The following TRPC7 variants were observed in gnomAD, a reference collection of about 807,000 sequenced individuals.
The protein encoded by TRPC7 is short transient receptor potential channel 7.
Under a neutral mutation model 90.1 loss-of-function variants are expected in TRPC7, and 42 were observed. That is an observed-to-expected ratio of 0.47 (90% CI 0.36 to 0.60). The LOEUF is 0.60. Among genes scored for constraint, TRPC7 ranks in the 20% least tolerant of loss-of-function variants. The pLI is 0.00. For synonymous variants in TRPC7, 451 were observed against 436.3 expected, an observed-to-expected ratio of 1.03 and a Z score of -0.42; for missense variants, 955 against 1,112.3, an observed-to-expected ratio of 0.86 and a Z score of 2.01.
chr5:136,324,505 G>T (rs546842501), intron 2 of TRPC7, among the ~76,000 whole-genome samples: 2 of 152,026 alleles, frequency 1.3e-5, no homozygotes, highest in South Asian at 4.1e-4. Context: ...AGATTCCTTA[G>T]TTCTCAACTA....
intron 5 of TRPC7, among the ~76,000 whole-genome samples, chr5:136,258,213 T>C (rs560834630): frequency 1.3e-5 from 2 of 152,340 alleles, no homozygotes; most frequent in South Asian, 4.1e-4. Context: ...GATTTAAATA[T>C]TAATTCACCC....
At chr5:136,286,999 T>C (rs1282944819) in intron 3 of TRPC7, among the ~76,000 whole-genome samples, 4 of 152,218 alleles carry the variant, frequency 2.6e-5, no homozygotes, top group Non-Finnish European at 5.9e-5. Flanking sequence ...GTTAATTTCC[T>C]TCTGGTTGTC....
At position 136,213,645 on chromosome 5, in the gene TRPC7, G is replaced by T. The variant is rs1755164311; in HGVS notation, c.2420-41C>A. 1.9e-6 allele frequency: 3 copies of T among 1,607,388 alleles called. No individual in the cohort carries two copies. In the African/African-American group the frequency reaches 4.0e-5, roughly 22 times the overall value. On this transcript the variant is annotated intron_variant, in intron 11 of 11. Transcript: ENST00000513104. ...AGATTTTGCTGAGTCTGAGTAGGTG[G>T]AAGCTCGGGGCTTGTCCCATGCACA...
intron 5 of TRPC7, among the ~76,000 whole-genome samples, chr5:136,252,768 C>T (rs1207536752): frequency 6.6e-6 from 1 of 152,126 alleles, no homozygotes; most frequent in African/African-American, 2.4e-5. Flanking sequence ...AATCTAATGC[C>T]GCTGCTGATC....
rs28470405 is a variant in TRPC7, at chr5:136,287,722, A to C, written c.964-12885T>G. ...AAAAAAAAAAAAAAAAAAAAAAAAA[A>C]AAAAAAACCCAGAAAAAAAAAACCT... On this transcript the variant is annotated intron_variant, in intron 3 of 11. Transcript: ENST00000513104. Among the ~76,000 whole-genome samples, 38 of 115,942 alleles carry C rather than the reference A, an allele frequency of 3.3e-4. 2 individuals are homozygous for C. The highest frequency in any genetic ancestry group is 5.4e-4 in the Non-Finnish European group (28 of 51,916). 76.1% of individuals were successfully genotyped at this position (115,942 alleles called of 152,430 possible). A position where few individuals can be genotyped will look rare whatever the true frequency, so the allele number is the denominator to read the frequency against.
intron 3 of TRPC7, among the ~76,000 whole-genome samples, chr5:136,275,524 C>T (rs1200875033): frequency 5.3e-5 from 8 of 152,096 alleles, no homozygotes; most frequent in East Asian, 1.9e-4. Context: ...TTTTTTGTGG[C>T]GTGATGGAGC....
intron 4 of TRPC7, among the ~76,000 whole-genome samples, chr5:136,267,845 A>G (rs1757085207): frequency 6.6e-6 from 1 of 152,206 alleles, no homozygotes; most frequent in Non-Finnish European, 1.5e-5. Flanking sequence ...GACACTAGGA[A>G]TAACTTCAGA....
intron 7 of TRPC7, among the ~76,000 whole-genome samples, chr5:136,246,284 A>G (rs192034203): frequency 2.0e-5 from 3 of 152,258 alleles, no homozygotes; most frequent in Admixed American, 1.3e-4. Context: ...CACACACAAG[A>G]CCTGGCTTGC....
chr5:136,253,448 C>G (rs1756589826), intron 5 of TRPC7, among the ~76,000 whole-genome samples: 1 of 152,056 alleles, frequency 6.6e-6, no homozygotes, highest in Non-Finnish European at 1.5e-5. Flanking sequence ...ACCATTTTCC[C>G]AATAACGTGC....
intron 3 of TRPC7, among the ~76,000 whole-genome samples, chr5:136,302,796 G>T (rs1490918993): frequency 6.6e-6 from 1 of 152,124 alleles, no homozygotes; most frequent in Non-Finnish European, 1.5e-5. Context: ...GGTCTGAGGT[G>T]CCTGACGTCC....
At chr5:136,297,491 ATATT>A (rs1758222378) in intron 3 of TRPC7, among the ~76,000 whole-genome samples, 1 of 152,250 alleles carries the variant, frequency 6.6e-6, no homozygotes, top group South Asian at 2.1e-4. Flanking sequence ...ATATACATAT[ATATT>A]AAGTATGTAA....
chr5:136,277,466 C>A (rs1757403451), intron 3 of TRPC7, among the ~76,000 whole-genome samples: 1 of 152,202 alleles, frequency 6.6e-6, no homozygotes, highest in East Asian at 1.9e-4. Context: ...GCACTTGTGG[C>A]AGCCCTTCAA....
chr5:136,304,583 T>C (rs2149833548), intron 3 of TRPC7, among the ~76,000 whole-genome samples: 1 of 152,142 alleles, frequency 6.6e-6, no homozygotes, highest in East Asian at 1.9e-4. Context: ...TTACTATTCC[T>C]TTGCACCCTT....
chr5:136,268,595 G>A (rs1308468317), intron 4 of TRPC7, among the ~76,000 whole-genome samples: 1 of 152,168 alleles, frequency 6.6e-6, no homozygotes, highest in Non-Finnish European at 1.5e-5. Context: ...CTGGCTTTGA[G>A]TTTCCCCAGA....
At chr5:136,286,703 G>A (rs1757730557) in intron 3 of TRPC7, among the ~76,000 whole-genome samples, 2 of 152,138 alleles carry the variant, frequency 1.3e-5, no homozygotes, top group Non-Finnish European at 1.5e-5. Flanking sequence ...AAACCACCAA[G>A]TTTTATGCAC....
At chr5:136,291,289 C>A (rs1158328680) in intron 3 of TRPC7, among the ~76,000 whole-genome samples, 2 of 152,296 alleles carry the variant, frequency 1.3e-5, no homozygotes, top group African/African-American at 4.8e-5. Flanking sequence ...TCACACATAA[C>A]AATACTAACC....
intron 2 of TRPC7, among the ~76,000 whole-genome samples, chr5:136,331,407 T>C (rs1166594137): frequency 6.6e-6 from 1 of 151,484 alleles, no homozygotes; most frequent in Non-Finnish European, 1.5e-5. Context: ...CAATGGAGAG[T>C]GAGGCAGGCA....
intron 10 of TRPC7, among the ~76,000 whole-genome samples, chr5:136,222,572 C>G (rs1403002401): frequency 6.6e-6 from 1 of 152,154 alleles, no homozygotes; most frequent in Non-Finnish European, 1.5e-5. Flanking sequence ...ATACTCAGAT[C>G]CCCCCTCAAA....
At position 136,266,181 on chromosome 5, in the gene TRPC7, A is replaced by T. The variant is rs1288437263; in HGVS notation, c.1345+39T>A. The T allele has an allele frequency of 1.9e-6, 3 of 1,546,348 alleles. No individual in the cohort carries two copies. In the African/African-American group the frequency reaches 4.1e-5, roughly 21 times the overall value. ...CAGAGTTTAATAATGTCCTACTATAATTAGCAAGGAGAGAATAAAAATAGA... is the reference window on the plus strand; with the variant it reads ...CAGAGTTTAATAATGTCCTACTATATTTAGCAAGGAGAGAATAAAAATAGA... On this transcript the variant is annotated intron_variant, in intron 5 of 11. Transcript: ENST00000513104.
Sources: gnomAD v4.1 joint callset for allele counts (sites outside exome capture counted in the v4.1 genomes callset) on GRCh38, gnomAD v4.1.1 for gene constraint, MANE v1.5 for transcripts, NCBI Gene and HGNC (gene_info 2026-07-23, HGNC 2026-07-21) for gene names.